Variants in NUP210 observed in about 807,000 individuals in gnomAD.
The protein encoded by NUP210 is nuclear pore membrane glycoprotein 210.
NUP210 carries 151 observed loss-of-function variants against 196.0 expected under a neutral mutation model. That is an observed-to-expected ratio of 0.77 (90% confidence interval 0.67 to 0.88). The LOEUF (loss-of-function observed/expected upper bound fraction) is 0.88, where lower values mean the gene tolerates loss of function less well. NUP210 is among the 40% of genes least tolerant of loss of function. The pLI is 0.00. For missense variants in NUP210, 2,314 were observed against 2,493.7 expected, an observed-to-expected ratio of 0.93 and a Z score of 1.53; for synonymous variants, 1,070 against 1,052.7, an observed-to-expected ratio of 1.02 and a Z score of -0.32.
intron 28 of NUP210, among the ~76,000 whole-genome samples, chr3:13,334,819 A>C (rs1697141901): frequency 6.6e-6 from 1 of 152,190 alleles, no homozygotes; most frequent in Admixed American, 6.5e-5. Context: ...GCTGCACCCC[A>C]GGCAGGAGAA....
intron 3 of NUP210, among the ~76,000 whole-genome samples, chr3:13,393,084 G>C (rs1222289308): frequency 5.9e-5 from 9 of 152,224 alleles, no homozygotes; most frequent in African/African-American, 2.2e-4. Context: ...CAAGAGTCCT[G>C]AATAGCTACC....
At chr3:13,408,017 T>C (rs9828122) in intron 1 of NUP210, among the ~76,000 whole-genome samples, 33,852 of 151,926 alleles carry the variant, frequency 0.22, 5,953 homozygotes, top group African/African-American at 0.49. Flanking sequence ...CCATCTTCCA[T>C]GGACACTCAG....
intron 23 of NUP210, among the ~76,000 whole-genome samples, 157 bp downstream of exon 23, chr3:13,341,591 C>A (rs920654949): frequency 6.6e-6 from 1 of 152,230 alleles, no homozygotes; most frequent in Non-Finnish European, 1.5e-5. Context: ...TCCCAGATCC[C>A]TAGAGCTCGT....
chr3:13,343,429 T>A, intron 20 of NUP210, 126 bp from the exon 21 acceptor site: 1 of 1,239,570 alleles, frequency 8.1e-7, no homozygotes, highest in Non-Finnish European at 1.1e-6. Context: ...GGGATGCCAG[T>A]GGCAGAGCCC....
At chr3:13,390,849 T>C (rs1486376229) in intron 4 of NUP210, among the ~76,000 whole-genome samples, 1 of 152,194 alleles carries the variant, frequency 6.6e-6, no homozygotes, top group Non-Finnish European at 1.5e-5. Context: ...AGCTGGCCTG[T>C]GCCCCAGCCG....
At chr3:13,403,944 G>A (rs1015124173) in intron 1 of NUP210, among the ~76,000 whole-genome samples, 3 of 152,174 alleles carry the variant, frequency 2.0e-5, no homozygotes, top group East Asian at 1.9e-4. Flanking sequence ...ACCGGGCCAC[G>A]TCTGGCCTCT....
chr3:13,388,405 T>C lies in NUP210; in HGVS notation c.582A>G (p.Ser194=), dbSNP rs758204324. The C allele has an allele frequency of 6.2e-7, 1 of 1,609,022 alleles. No homozygotes were observed. The highest frequency in any genetic ancestry group is 8.5e-7 in the Non-Finnish European group (1 of 1,176,180). The part of the protein sequence containing the change: ...ESTYIPPSYI[S]EMEKAAKQGD... ...CTTGCTTGGCAGCCTTCTCCATCTC[T>C]GAGATGTAAGAAGGAGGGATGTACG... is the stretch of plus-strand genomic sequence containing the variant. Residue 194 remains serine (S), a synonymous_variant, in exon 5 of 40, where the codon TCA becomes TCG. Coordinates refer to ENST00000254508, the MANE Select transcript of NUP210 (RefSeq NM_024923.4).
At chr3:13,380,830 A>G (rs920209103) in intron 6 of NUP210, among the ~76,000 whole-genome samples, 3 of 152,232 alleles carry the variant, frequency 2.0e-5, no homozygotes, top group Non-Finnish European at 2.9e-5. Flanking sequence ...AAAGAGAGGA[A>G]ACTTGCCTGG....
At chr3:13,357,740 C>T (rs1387021348) in intron 16 of NUP210, among the ~76,000 whole-genome samples, 1 of 152,160 alleles carries the variant, frequency 6.6e-6, no homozygotes, top group Non-Finnish European at 1.5e-5. Context: ...TCCCAAGGGA[C>T]TTTCTTCCTC....
In NUP210 at chr3:13,347,448, G is replaced by A. The variant is rs1296641764; in HGVS notation, c.2836-4145C>T. 3 of 557,930 alleles carry A rather than the reference G, an allele frequency of 5.4e-6. No homozygotes were observed. The African/African-American group carries it at 6.1e-5, about 11-fold the overall frequency. 34.6% of individuals were successfully genotyped at this position (557,930 alleles called of 1,614,324 possible). The stretch of plus-strand genomic sequence containing the variant: ...GATAAACACTCCTATGTGCAAACCA[G>A]CCGAAAACAAAATAAAGGCCCTTAC... On this transcript the variant is annotated intron_variant, in intron 20 of 39. Transcript: ENST00000254508. The surrounding 1 kb of genome is among the most constrained non-coding windows in gnomAD (Gnocchi z 4.7).
rs534990515 is a variant in NUP210, at chr3:13,317,072, C to T, written c.*609G>A. ...CTGGGTGAGCTCCTGTGTTCTCCAG[C>T]CTCTCGCTCACCCAGGGCTTGGCTA... is the stretch of plus-strand genomic sequence containing the variant. On this transcript the variant is annotated 3_prime_UTR_variant, in exon 40 of 40. Coordinates refer to ENST00000254508, the MANE Select transcript of NUP210 (RefSeq NM_024923.4). 1 of 153,768 alleles carries T rather than the reference C, an allele frequency of 6.5e-6. No homozygotes were observed. Among genetic ancestry groups the T allele is most frequent in the African/African-American group, 2.4e-5 (1 of 41,452 alleles). The allele number at this position is 153,768 out of a possible 1,614,324, so 9.5% of individuals were successfully genotyped here.
chr3:13,332,629 A>T (rs1292403566), intron 28 of NUP210, among the ~76,000 whole-genome samples: 4 of 152,216 alleles, frequency 2.6e-5, no homozygotes, highest in African/African-American at 4.8e-5. Context: ...AAATAATTTT[A>T]AAAATTAGCC....
intron 23 of NUP210, chr3:13,341,267 A>G (rs1216547336): frequency 1.3e-5 from 2 of 154,876 alleles, no homozygotes; most frequent in African/African-American, 4.8e-5. Flanking sequence ...AGCTCCCTTC[A>G]TCCAGGAATC....
At chr3:13,416,063 C>T (rs575268917) in intron 1 of NUP210, among the ~76,000 whole-genome samples, 17 of 152,298 alleles carry the variant, frequency 1.1e-4, no homozygotes, top group East Asian at 3.9e-4. Flanking sequence ...CCAAGCTCCA[C>T]GGCATAGGGA....
intron 36 of NUP210, among the ~76,000 whole-genome samples, chr3:13,320,833 A>C (rs1696493466): frequency 6.7e-6 from 1 of 150,336 alleles, no homozygotes. Flanking sequence ...TAGAACTTGC[A>C]GTGAGCCCAG....
At chr3:13,335,372 T>C in intron 28 of NUP210, 82 bp downstream of exon 28, 4 of 1,508,066 alleles carry the variant, frequency 2.7e-6, no homozygotes, top group South Asian at 1.2e-5. Context: ...CCCCTGCCCA[T>C]GCAACATGTG....
intron 1 of NUP210, among the ~76,000 whole-genome samples, chr3:13,406,950 G>C (rs1700024912): frequency 6.6e-6 from 1 of 151,950 alleles, no homozygotes. Context: ...CGGGGATGGG[G>C]ACGTGGCTCA....
chr3:13,320,841 C>T (rs1161968507), intron 36 of NUP210, among the ~76,000 whole-genome samples: 1 of 132,376 alleles, frequency 7.6e-6, no homozygotes, highest in South Asian at 2.5e-4. Context: ...GCAGTGAGCC[C>T]AGATTGCGCC....
rs1225338527 is a variant in NUP210 at position 13,343,174 on chromosome 3, C to A, written c.2964+1G>T. 3.1e-6 allele frequency: 5 copies of A among 1,614,014 alleles called. No homozygotes were observed. Among genetic ancestry groups the A allele is most frequent in the Non-Finnish European group, 4.2e-6 (5 of 1,180,014 alleles). ...TGCCCCGTCATGAAGCTTCCACTGACCTTGTCAACCACACGGATGTACAGC... is the reference window on the plus strand; with the variant it reads ...TGCCCCGTCATGAAGCTTCCACTGAACTTGTCAACCACACGGATGTACAGC... On this transcript the variant is annotated splice_donor_variant, in intron 21 of 39. Transcript: ENST00000254508. LOFTEE classifies it high-confidence loss of function.
Sources: gnomAD v4.1 joint callset for allele counts (sites outside exome capture counted in the v4.1 genomes callset) on GRCh38, gnomAD v4.1.1 for gene constraint, Gnocchi (gnomAD v3.1) non-coding constraint, MANE v1.5 for transcripts, NCBI Gene and HGNC (gene_info 2026-07-23, HGNC 2026-07-21) for gene names.